ROS1: variants seen among roughly 807,000 people sequenced by gnomAD.
ROS1 encodes the protein proto-oncogene tyrosine-protein kinase ROS.
In ROS1, 263 loss-of-function variants were observed where a neutral mutation model predicts 273.5. The ratio of observed to expected loss-of-function variants is 0.96; its 90% confidence interval spans 0.87 to 1.06. ROS1 has a LOEUF of 1.06. Among genes scored for constraint, ROS1 ranks in the 50% least tolerant of loss-of-function variants. ROS1 has a pLI of 0.00. For synonymous variants in ROS1, 1,008 were observed against 954.1 expected (o/e 1.06, Z -1.04); for missense variants, 2,833 against 2,751.1 (o/e 1.03, Z -0.67).
Position 117,288,617 on chromosome 6 carries a change from T to C in ROS1, c.6901A>G (p.Lys2301Glu). 1.2e-6 allele frequency: 2 copies of C among 1,614,140 alleles called. No individual in the cohort carries two copies. The highest frequency in any genetic ancestry group is 1.7e-6 in the Non-Finnish European group (2 of 1,180,034). The change falls in exon 44 of 44, where the codon AAG (lysine) becomes GAG (glutamate). Residue 2301 changes from lysine to glutamate, a missense_variant. Lys to Glu is a moderately conservative substitution (Grantham distance 56). Transcript: ENST00000368507. The stretch of plus-strand genomic sequence containing the variant: ...AAATCTTTGTCTGCATGTGGTTCCT[T>C]CTCTTCTTTCCTCAGACCACAAGAT... ...SESCGLRKEEKEPHADKDFCQ... is the reference protein window; with the variant it reads ...SESCGLRKEEEEPHADKDFCQ...
At chr6:117,389,223 T>C in intron 13 of ROS1, 127 bp downstream of exon 13, 1 of 1,074,634 alleles carries the variant, frequency 9.3e-7, no homozygotes, top group South Asian at 1.6e-5. Flanking sequence ...TTTAGCTAAG[T>C]AGCTGCTTCT....
intron 27 of ROS1, among the ~76,000 whole-genome samples, chr6:117,352,462 AC>A (rs1309118263): frequency 2.6e-5 from 4 of 152,038 alleles, no homozygotes; most frequent in African/African-American, 9.7e-5. Flanking sequence ...TTCATCAGTG[AC>A]ATTTTTTTTA....
intron 2 of ROS1, 93 bp from the exon 3 acceptor site, chr6:117,416,410 ACT>A: frequency 1.2e-6 from 1 of 820,460 alleles, no homozygotes; most frequent in Non-Finnish European, 2.1e-6. Context: ...AAAAGGCATC[ACT>A]CTGTGTTTTA....
At chr6:117,395,465 T>G (rs2128714473) in intron 9 of ROS1, among the ~76,000 whole-genome samples, 1 of 152,172 alleles carries the variant, frequency 6.6e-6, no homozygotes, top group Admixed American at 6.5e-5. Flanking sequence ...ATGTACAGAT[T>G]AGAGTAAGGG....
At chr6:117,301,358 T>A (rs526306) in intron 42 of ROS1, 44,211 of 396,300 alleles carry the variant, frequency 0.11, 2,764 homozygotes, top group East Asian at 0.15. Context: ...GCTGACATTA[T>A]TTTAACAGTT....
intron 16 of ROS1, among the ~76,000 whole-genome samples, chr6:117,384,061 CT>C (rs1178168833): frequency 6.6e-6 from 1 of 152,112 alleles, no homozygotes. Context: ...ACAATTTGTC[CT>C]GGAGTTAAAC....
chr6:117,387,167 G>A (rs1772653437), intron 14 of ROS1, among the ~76,000 whole-genome samples, 168 bp from the exon 15 acceptor site: 1 of 152,188 alleles, frequency 6.6e-6, no homozygotes, highest in African/African-American at 2.4e-5. Context: ...TGTTATCTGT[G>A]TAACAAGAAT....
chr6:117,403,162 C>A lies in ROS1; in HGVS notation c.581G>T (p.Ser194Ile), dbSNP rs1419160274. Residue 194 changes from serine (S) to isoleucine (I), a missense_variant, in exon 7 of 44, where the codon AGT becomes ATT. Coordinates refer to ENST00000368507, the MANE Select transcript of ROS1 (RefSeq NM_001378902.1). ...QLQLYSPPSP[S>I]YRTHPHGVPE... The stretch of plus-strand genomic sequence containing the variant: ...ACCTCCATGAGGATGAGTCCTGTAA[C>A]TGGGACTTGGAGGGGAGTAGAGCTG... 6.2e-7 allele frequency: 1 copy of A among 1,613,630 alleles called. No individual in the cohort carries two copies. The highest frequency in any genetic ancestry group is 8.5e-7 in the Non-Finnish European group (1 of 1,179,902).
intron 18 of ROS1, among the ~76,000 whole-genome samples, chr6:117,371,745 C>T (rs542265308): frequency 4.6e-5 from 7 of 152,304 alleles, no homozygotes; most frequent in Admixed American, 2.0e-4. Context: ...GGGAGTGAGA[C>T]TGGCCTTTCA....
intron 18 of ROS1, among the ~76,000 whole-genome samples, chr6:117,367,098 C>T (rs747190122): frequency 2.0e-5 from 3 of 151,960 alleles, no homozygotes; most frequent in Non-Finnish European, 2.9e-5. Flanking sequence ...TATAAATTTG[C>T]CATATGTAGA....
intron 12 of ROS1, among the ~76,000 whole-genome samples, 167 bp from the exon 13 acceptor site, chr6:117,390,013 T>C (rs1159768719): frequency 1.3e-5 from 2 of 152,258 alleles, no homozygotes; most frequent in East Asian, 3.8e-4. Context: ...AGATATACTC[T>C]ATTCGTTTAA....
Position 117,406,158 on chromosome 6 carries a change from C to T in ROS1, c.317-1730G>A, listed in dbSNP as rs1034958055. Reference sequence around the variant, plus strand: ...AGACTCTGTCTCTCTCTCTCTCTCTCTCATATATATATATACACACACACA... The same window carrying T: ...AGACTCTGTCTCTCTCTCTCTCTCTTTCATATATATATATACACACACACA... On this transcript the variant is annotated intron_variant, in intron 5 of 43. Transcript: ENST00000368507. Among the ~76,000 whole-genome samples, 4 of 151,700 alleles carry T rather than the reference C, an allele frequency of 2.6e-5. 1 individual carries two copies. Among genetic ancestry groups the T allele is most frequent in the Non-Finnish European group, 5.9e-5 (4 of 67,972 alleles).
chr6:117,292,507 C>A (rs1773912809), intron 43 of ROS1, among the ~76,000 whole-genome samples: 1 of 152,314 alleles, frequency 6.6e-6, no homozygotes, highest in African/African-American at 2.4e-5. Flanking sequence ...TGTCCACCAT[C>A]TTTGTAAGCC....
rs953324468 is a variant in ROS1 at position 117,348,204 on chromosome 6, A to G, written c.4304-3942T>C. Among the ~76,000 whole-genome samples the G allele has an allele frequency of 5.3e-5, 8 of 152,126 alleles. No individual in the cohort carries two copies. In the South Asian group the frequency reaches 1.5e-3, roughly 28 times the overall value. On this transcript the variant is annotated intron_variant, in intron 27 of 43. Transcript: ENST00000368507. ...TTTGATAGAATGCATCATTGAATCC[A>G]TCTGGCCCAGGTGCTTTCTATTTCA...
chr6:117,300,589 G>C (rs1223154798), intron 43 of ROS1, among the ~76,000 whole-genome samples: 1 of 152,122 alleles, frequency 6.6e-6, no homozygotes, highest in Non-Finnish European at 1.5e-5. Context: ...AACAAGACAG[G>C]AGCCCTGCAT....
Position 117,322,830 on chromosome 6 carries a change from C to T in ROS1, c.5624-1436G>A, listed in dbSNP as rs114959358. 4.5e-3 allele frequency among the ~76,000 whole-genome samples: 681 copies of T among 152,232 alleles called. 5 individuals are homozygous for T. The highest frequency in any genetic ancestry group is 0.015 in the African/African-American group (627 of 41,538). ...ATTAGCTTAGCTAGACTCAAAAATTCGTGAATTTCAAACAGAATAAAGACC... is the reference window on the plus strand; with the variant it reads ...ATTAGCTTAGCTAGACTCAAAAATTTGTGAATTTCAAACAGAATAAAGACC... On this transcript the variant is annotated intron_variant, in intron 35 of 43. Coordinates refer to ENST00000368507, the MANE Select transcript of ROS1 (RefSeq NM_001378902.1).
intron 39 of ROS1, 52 bp from the exon 40 acceptor site, chr6:117,311,169 A>G (rs758489691): frequency 2.9e-6 from 3 of 1,024,198 alleles, no homozygotes; most frequent in South Asian, 1.4e-5. Context: ...TGCATGAAAT[A>G]TATACATATA....
At chr6:117,362,108 C>T (rs1377891297) in intron 22 of ROS1, among the ~76,000 whole-genome samples, 1 of 151,950 alleles carries the variant, frequency 6.6e-6, no homozygotes, top group Non-Finnish European at 1.5e-5. Flanking sequence ...GATACAGCTT[C>T]AAAAGAAAAG....
intron 41 of ROS1, 40 bp downstream of exon 41, chr6:117,310,041 A>T (rs2128547770): frequency 6.5e-7 from 1 of 1,529,434 alleles, no homozygotes; most frequent in East Asian, 2.3e-5. Context: ...CTAATGTTTG[A>T]TGATTCTGTC....
Sources: allele counts gnomAD v4.1 joint callset (sites outside exome capture counted in the v4.1 genomes callset), GRCh38; gene constraint gnomAD v4.1.1; transcripts MANE v1.5; gene names NCBI Gene and HGNC (gene_info 2026-07-23, HGNC 2026-07-21).